MAPK6: variants seen among roughly 807,000 people sequenced by gnomAD.
MAPK6 encodes ERK-3.
MAPK6 carries 19 observed loss-of-function variants against 59.3 expected under a neutral mutation model. That is an observed-to-expected ratio of 0.32 (90% CI 0.22 to 0.47). The LOEUF (loss-of-function observed/expected upper bound fraction) is 0.47. MAPK6 is among the 20% of genes least tolerant of loss of function. The pLI is 1.00. For missense variants in MAPK6, 724 were observed against 847.9 expected (o/e 0.85, Z 1.81); for synonymous variants, 316 against 290.3 (o/e 1.09, Z -0.90).
chr15:51,992,305 A>ATT (rs61396800), intron 2 of MAPK6, among the ~76,000 whole-genome samples: 2,563 of 101,352 alleles, frequency 0.025, 62 homozygotes, highest in South Asian at 0.057. Context: ...ATATATATAT[A>ATT]TTTTTTTTTT....
chr15:52,049,832 C>T (rs1466376050), intron 2 of MAPK6, among the ~76,000 whole-genome samples, 161 bp from the exon 3 acceptor site: 2 of 152,076 alleles, frequency 1.3e-5, no homozygotes, highest in African/African-American at 4.8e-5. Flanking sequence ...AGACTGGTCT[C>T]GAACTCCCGA....
At chr15:51,973,624 C>G (rs900897581) in intron 1 of MAPK6, among the ~76,000 whole-genome samples, 3 of 151,642 alleles carry the variant, frequency 2.0e-5, no homozygotes, top group African/African-American at 7.2e-5. Flanking sequence ...ACTTCTGACT[C>G]TTGGACAGAT....
At chr15:52,018,062 G>A (rs1313489522), upstream of MAPK6, 3 of 151,244 alleles carry the variant, frequency 2.0e-5, no homozygotes, top group Non-Finnish European at 2.9e-5. Flanking sequence ...ACAGAGTTTC[G>A]CCCTTTCGCC....
intron 4 of MAPK6, among the ~76,000 whole-genome samples, chr15:52,059,527 C>T (rs1401337279): frequency 6.6e-6 from 1 of 152,202 alleles, no homozygotes; most frequent in Non-Finnish European, 1.5e-5. Flanking sequence ...TGTGACTCTG[C>T]TCAGCCAGGT....
At chr15:52,030,040 T>G (rs1366162471) in intron 1 of MAPK6, among the ~76,000 whole-genome samples, 1 of 152,224 alleles carries the variant, frequency 6.6e-6, no homozygotes, top group Non-Finnish European at 1.5e-5. Context: ...CCTCCTTTCC[T>G]TTGCCCTTTG....
intron 1 of MAPK6, among the ~76,000 whole-genome samples, chr15:52,036,086 T>G (rs1469865162): frequency 6.6e-6 from 1 of 152,126 alleles, no homozygotes; most frequent in African/African-American, 2.4e-5. Context: ...TCAAGTAGTT[T>G]AAGCCAGGTG....
chr15:52,038,503 G>A, intron 1 of MAPK6, among the ~76,000 whole-genome samples: 1 of 152,184 alleles, frequency 6.6e-6, no homozygotes, highest in East Asian at 1.9e-4. Flanking sequence ...TAGAGATGGT[G>A]GGTACTTTAG....
At chr15:52,014,241 T>G (rs951348765), upstream of MAPK6, among the ~76,000 whole-genome samples, 3 of 152,152 alleles carry the variant, frequency 2.0e-5, no homozygotes, top group African/African-American at 7.2e-5. Flanking sequence ...GTACTTATTT[T>G]TTCTCTCCTG....
chr15:52,007,061 G>A (rs574794494), intron 3 of MAPK6, among the ~76,000 whole-genome samples: 1 of 152,244 alleles, frequency 6.6e-6, no homozygotes, highest in South Asian at 2.1e-4. Context: ...TGTGACCTAC[G>A]ACATTGTTTC....
intron 2 of MAPK6, among the ~76,000 whole-genome samples, chr15:51,994,117 T>A (rs563353164): frequency 6.6e-6 from 1 of 152,218 alleles, no homozygotes; most frequent in Middle Eastern, 3.4e-3. Flanking sequence ...TTCGCCAACA[T>A]GCCTGGCTAA....
chr15:52,028,924 G>T (rs1027138424), intron 1 of MAPK6, among the ~76,000 whole-genome samples: 7 of 152,180 alleles, frequency 4.6e-5, no homozygotes, highest in African/African-American at 1.7e-4. Context: ...TAGTCTTACA[G>T]GCTCTTGTAG....
At chr15:52,032,742 TG>T (rs1273316086) in intron 1 of MAPK6, among the ~76,000 whole-genome samples, 1 of 152,154 alleles carries the variant, frequency 6.6e-6, no homozygotes, top group African/African-American at 2.4e-5. Context: ...TGGAGTGCAG[TG>T]GCACAATCTC....
At chr15:52,028,195 G>A (rs1431556680) in intron 1 of MAPK6, among the ~76,000 whole-genome samples, 1 of 151,272 alleles carries the variant, frequency 6.6e-6, no homozygotes, top group Non-Finnish European at 1.5e-5. Context: ...CTTGTGATCC[G>A]CCCGCCTCGG....
intron 2 of MAPK6, among the ~76,000 whole-genome samples, chr15:51,999,707 G>A (rs1025395266): frequency 1.3e-5 from 2 of 151,792 alleles, no homozygotes; most frequent in African/African-American, 2.4e-5. Flanking sequence ...GCAGTGGTGC[G>A]AACACAGCTC....
Position 52,058,474 on chromosome 15 carries a change from A to G in MAPK6, c.701-159A>G, listed in dbSNP as rs114277309. ...TCAGTAAGCAGAAATTGAAATAGAT[A>G]AGTAGATTGGTGATAGTCAAAGCAA... On this transcript the variant is annotated intron_variant, in intron 3 of 5. Transcript: ENST00000261845. 7.7e-3 allele frequency among the ~76,000 whole-genome samples: 1,173 copies of G among 152,328 alleles called. 14 individuals are homozygous for G. Among genetic ancestry groups the G allele is most frequent in the African/African-American group, 0.027 (1,108 of 41,564 alleles).
rs929490888 is a variant in MAPK6 at position 52,066,599 on chromosome 15, A to G, written c.*1599A>G. The G allele has an allele frequency of 1.4e-5, 1 of 72,004 alleles. No homozygotes were observed. The highest frequency in any genetic ancestry group is 5.1e-5 in the Non-Finnish European group (1 of 19,554). The allele number at this position is 72,004 out of a possible 1,614,324, so 4.5% of individuals were successfully genotyped here. On this transcript the variant is annotated 3_prime_UTR_variant, in exon 6 of 6. Transcript: ENST00000261845. ...TTCTTTCATCCTTGTTTTGTACAAC[A>G]CCAATTCTATTAATATCTGCCCACC...
At chr15:52,045,806 CTCT>C (rs531615195) in intron 1 of MAPK6, 21 bp from the exon 2 acceptor site, 68 of 152,690 alleles carry the variant, frequency 4.5e-4, no homozygotes, top group African/African-American at 1.6e-3. Flanking sequence ...AATGGTGACT[CTCT>C]TCTTTTTCTC....
intron 1 of MAPK6, among the ~76,000 whole-genome samples, chr15:52,036,473 C>T (rs1338037718): frequency 1.3e-5 from 2 of 152,134 alleles, no homozygotes; most frequent in Non-Finnish European, 2.9e-5. Context: ...TGCATCAGCC[C>T]ATGGTATAAG....
At chr15:51,999,623 T>C (rs1240048662) in intron 2 of MAPK6, among the ~76,000 whole-genome samples, 4 of 152,096 alleles carry the variant, frequency 2.6e-5, no homozygotes, top group African/African-American at 9.7e-5. Context: ...TTATTTTAGT[T>C]TCCCTCTTTT....
Sources: gnomAD v4.1 joint callset for allele counts (sites outside exome capture counted in the v4.1 genomes callset) on GRCh38, gnomAD v4.1.1 for gene constraint, MANE v1.5 for transcripts, NCBI Gene and HGNC (gene_info 2026-07-23, HGNC 2026-07-21) for gene names.